TNFRSF10A: variants seen among roughly 807,000 people sequenced by gnomAD.
TNFRSF10A encodes tumor necrosis factor receptor superfamily member 10A.
TNFRSF10A carries 44 observed loss-of-function variants against 42.8 expected under a neutral mutation model. The observed-to-expected ratio is 1.03, with a 90% CI of 0.81 to 1.32. The LOEUF is 1.32. Among genes scored for constraint, TNFRSF10A ranks in the 40% most tolerant of loss-of-function variants. The pLI, the probability that TNFRSF10A is intolerant of heterozygous loss-of-function variation, is 0.00. For missense variants in TNFRSF10A, 680 were observed against 602.0 expected, an observed-to-expected ratio of 1.13 and a Z score of -1.36; for synonymous variants, 259 against 234.2, an observed-to-expected ratio of 1.11 and a Z score of -0.97.
At chr8:23,203,871 G>T (rs1800970460) in intron 2 of TNFRSF10A, among the ~76,000 whole-genome samples, 2 of 151,842 alleles carry the variant, frequency 1.3e-5, no homozygotes, top group African/African-American at 2.4e-5. Flanking sequence ...CCGCCTCCTG[G>T]GTTCAAGCGA....
intron 2 of TNFRSF10A, among the ~76,000 whole-genome samples, chr8:23,206,447 T>C (rs944021866): frequency 6.6e-6 from 1 of 152,234 alleles, no homozygotes; most frequent in Non-Finnish European, 1.5e-5. Flanking sequence ...CATATTTTTA[T>C]TGGGCCTTTT....
intron 1 of TNFRSF10A, among the ~76,000 whole-genome samples, chr8:23,217,761 G>A (rs1801204827): frequency 6.6e-6 from 1 of 152,162 alleles, no homozygotes; most frequent in Admixed American, 6.5e-5. Flanking sequence ...TCGGCGCCTG[G>A]TAGAAACGCT....
rs1800777741 is a variant in TNFRSF10A at position 23,193,119 on chromosome 8, A to T, written c.1088-1106T>A. Among the ~76,000 whole-genome samples the T allele has an allele frequency of 2.0e-5, 3 of 152,190 alleles. No individual in the cohort carries two copies. The South Asian group carries it at 6.2e-4, about 32-fold the overall frequency. ...CTCTTCCACTGCAGCACCCTATTAA[A>T]GCCTTCTTGGCAATACTCATCATCT... On this transcript the variant is annotated intron_variant, in intron 9 of 9. Coordinates refer to ENST00000221132, the MANE Select transcript of TNFRSF10A (RefSeq NM_003844.4).
In TNFRSF10A at chr8:23,201,922, G is replaced by A. The variant is rs768942262; in HGVS notation, c.518-3C>T. ...GCAGGGACTTCTCTCTTCTTCATCT[G>A]ATGACAGAGTACAAGGTTTTGGGAA... On this transcript the variant is annotated splice_polypyrimidine_tract_variant and splice_region_variant and intron_variant, in intron 3 of 9. Transcript: ENST00000221132. The A allele has an allele frequency of 1.1e-5, 17 of 1,613,234 alleles. No homozygotes were observed. The South Asian group carries it at 1.3e-4, about 13-fold the overall frequency.
At chr8:23,204,092 T>C (rs1800973128) in intron 2 of TNFRSF10A, among the ~76,000 whole-genome samples, 1 of 152,056 alleles carries the variant, frequency 6.6e-6, no homozygotes, top group Admixed American at 6.6e-5. Context: ...AAAAACTTCC[T>C]TGCTGATGTG....
intron 2 of TNFRSF10A, among the ~76,000 whole-genome samples, chr8:23,203,998 C>T (rs539682851): frequency 4.4e-4 from 67 of 152,050 alleles, no homozygotes; most frequent in African/African-American, 1.6e-3. Context: ...AGGATGGTCT[C>T]GATCTCCTGA....
chr8:23,213,190 A>G (rs1195839524), intron 1 of TNFRSF10A, among the ~76,000 whole-genome samples: 2 of 152,052 alleles, frequency 1.3e-5, no homozygotes, highest in African/African-American at 4.8e-5. Flanking sequence ...GCAATTATTT[A>G]TAGTATTTTT....
chr8:23,197,049 C>G, intron 9 of TNFRSF10A, 83 bp downstream of exon 9: 1 of 1,575,186 alleles, frequency 6.3e-7, no homozygotes, highest in South Asian at 1.1e-5. Flanking sequence ...TCTGGAAGAG[C>G]ACTCTCAGCA....
rs1462568337 is a variant in TNFRSF10A at position 23,191,719 on chromosome 8, G to A, written c.1382C>T (p.Thr461Ile). 1.2e-6 allele frequency: 2 copies of A among 1,613,914 alleles called. No individual in the cohort carries two copies. Among genetic ancestry groups the A allele is most frequent in the East Asian group, 2.2e-5 (1 of 44,894 alleles). ...TCACTCCAAGGACACGGCAGAGCCT[G>A]TGCCATCTTCTAAGTAGATGAACTT... ...SGKFIYLEDGTGSAVSLE is the reference protein window; with the variant it reads ...SGKFIYLEDGIGSAVSLE Residue 461 changes from threonine to isoleucine, a missense_variant, in exon 10 of 10, where the codon ACA becomes ATA. Thr to Ile is a moderately conservative substitution (Grantham distance 89). Transcript: ENST00000221132.
intron 1 of TNFRSF10A, chr8:23,224,479 G>C: frequency 6.0e-6 from 3 of 503,974 alleles, no homozygotes; most frequent in Non-Finnish European, 1.1e-5. Context: ...GTGAGGTGTG[G>C]GCAGGAGGGA....
intron 3 of TNFRSF10A, 65 bp from the exon 4 acceptor site, chr8:23,201,984 C>A: frequency 7.1e-7 from 1 of 1,412,270 alleles, no homozygotes. Context: ...CTTTCCTCAC[C>A]ACCCCAACTC....
Position 23,191,621 on chromosome 8 carries a change from G to T in TNFRSF10A, c.*73C>A. 1 of 1,356,432 alleles carries T rather than the reference G, an allele frequency of 7.4e-7. No individual in the cohort carries two copies. The highest frequency in any genetic ancestry group is 9.7e-7 in the Non-Finnish European group (1 of 1,026,426). 84.0% of individuals were successfully genotyped at this position (1,356,432 alleles called of 1,614,324 possible). A position where few individuals can be genotyped will look rare whatever the true frequency, so the allele number is the denominator to read the frequency against. ...GGCTAAGAATTTACTTTGTATACAT[G>T]TTAAAAAAAAAAAAAACCTAATATG... On this transcript the variant is annotated 3_prime_UTR_variant, in exon 10 of 10. Transcript: ENST00000221132.
chr8:23,219,477 A>G (rs7832037), intron 1 of TNFRSF10A, among the ~76,000 whole-genome samples: 33,297 of 141,626 alleles, frequency 0.24, 4,322 homozygotes, highest in East Asian at 0.64. Context: ...GCCCTGCAGA[A>G]GCCAAAACAC....
Position 23,212,213 on chromosome 8 carries a change from C to A in TNFRSF10A, c.307-1G>T, listed in dbSNP as rs1801102502. ...TGGTTGCAGCTGAGCTAGGTACGAC[C>A]TGTGGGGACAAAGCAGGGACTGGCA... On this transcript the variant is annotated splice_acceptor_variant, in intron 1 of 9. Transcript: ENST00000221132. LOFTEE classifies it high-confidence loss of function. The A allele has an allele frequency of 2.5e-6, 4 of 1,612,980 alleles. No homozygotes were observed. Among genetic ancestry groups the A allele is most frequent in the Non-Finnish European group, 2.5e-6 (3 of 1,179,258 alleles).
intron 3 of TNFRSF10A, 23 bp from the exon 4 acceptor site, chr8:23,201,942 T>C: frequency 6.2e-7 from 1 of 1,608,464 alleles, no homozygotes; most frequent in Non-Finnish European, 8.5e-7. Context: ...TACAAGGTTT[T>C]GGGAATGTGT....
At chr8:23,200,788 G>GGGGGC in intron 4 of TNFRSF10A, 28 bp from the exon 5 acceptor site, 1 of 1,531,114 alleles carries the variant, frequency 6.5e-7, no homozygotes, top group Non-Finnish European at 9.0e-7. Context: ...GGGAGGGGGG[G>GGGGGC]GACTCTTGAT....
chr8:23,202,001 C>T (rs1585281818), intron 3 of TNFRSF10A, 82 bp from the exon 4 acceptor site: 1 of 1,273,558 alleles, frequency 7.9e-7, no homozygotes, highest in South Asian at 1.2e-5. Flanking sequence ...ACTCCCTCCC[C>T]CTCAGCTCAG....
intron 8 of TNFRSF10A, among the ~76,000 whole-genome samples, chr8:23,199,028 C>T (rs1315344918): frequency 2.6e-5 from 4 of 152,234 alleles, no homozygotes; most frequent in South Asian, 2.1e-4. Flanking sequence ...CTGTGACCCC[C>T]ACTCTATTCC....
At chr8:23,222,906 C>T (rs1801276362) in intron 1 of TNFRSF10A, among the ~76,000 whole-genome samples, 1 of 152,148 alleles carries the variant, frequency 6.6e-6, no homozygotes, top group South Asian at 2.1e-4. Context: ...CACCCCTTCC[C>T]CTGATGGGCA....
Sources: allele counts gnomAD v4.1 joint callset (sites outside exome capture counted in the v4.1 genomes callset), GRCh38; gene constraint gnomAD v4.1.1; transcripts MANE v1.5; gene names NCBI Gene and HGNC (gene_info 2026-07-23, HGNC 2026-07-21).